The following WDR17 variants were observed in gnomAD, a reference collection of about 807,000 sequenced individuals.
WDR17 encodes the protein WD repeat-containing protein 17.
In WDR17, 143 loss-of-function variants were observed where a neutral mutation model predicts 161.7. The ratio of observed to expected loss-of-function variants is 0.88; its 90% CI spans 0.77 to 1.02. The LOEUF (loss-of-function observed/expected upper bound fraction) is 1.02, where lower values mean the gene tolerates loss of function less well. Among genes scored for constraint, WDR17 ranks in the 50% least tolerant of loss-of-function variants. The pLI is 0.00. For missense variants in WDR17, 1,469 were observed against 1,520.9 expected (o/e 0.97, Z 0.57); for synonymous variants, 517 against 515.6 (o/e 1.00, Z -0.04).
rs954633750 is a variant in WDR17, at chr4:176,149,409, A to G, written c.1898-398A>G. 2.0e-5 allele frequency among the ~76,000 whole-genome samples: 3 copies of G among 152,012 alleles called. No individual in the cohort carries two copies. In the South Asian group the frequency reaches 6.2e-4, roughly 31 times the overall value. ...CTTAGCCTTCCAAGTAGCTGGGACTACAATCACATGCCACCACACCCAGCT... is the reference window on the plus strand; with the variant it reads ...CTTAGCCTTCCAAGTAGCTGGGACTGCAATCACATGCCACCACACCCAGCT... On this transcript the variant is annotated intron_variant, in intron 13 of 28. Coordinates refer to ENST00000508596, the MANE Select transcript of WDR17 (RefSeq NM_181265.4).
At chr4:176,099,853 T>G in intron 1 of WDR17, among the ~76,000 whole-genome samples, 1 of 152,128 alleles carries the variant, frequency 6.6e-6, no homozygotes. Context: ...TGTGACTCTC[T>G]GTGCATGGCT....
chr4:176,174,261 G>C (rs761220585), intron 25 of WDR17, among the ~76,000 whole-genome samples: 1 of 152,022 alleles, frequency 6.6e-6, no homozygotes, highest in Non-Finnish European at 1.5e-5. Flanking sequence ...GAATGCAGAA[G>C]ACGTTCTTTA....
At chr4:176,148,057 C>A in intron 12 of WDR17, 76 bp from the exon 13 acceptor site, 3 of 1,230,108 alleles carry the variant, frequency 2.4e-6, no homozygotes, top group South Asian at 1.6e-5. Context: ...AATTATTATA[C>A]TCTATTAAGA....
chr4:176,172,294 C>G, intron 23 of WDR17, 81 bp from the exon 24 acceptor site: 2 of 1,290,106 alleles, frequency 1.6e-6, no homozygotes, highest in Non-Finnish European at 1.1e-6. Flanking sequence ...ACTAGGAAAG[C>G]TGAAAGTATT....
chr4:176,109,174 CAG>C (rs983925344), intron 1 of WDR17, among the ~76,000 whole-genome samples: 8 of 152,008 alleles, frequency 5.3e-5, no homozygotes, highest in Admixed American at 4.6e-4. Context: ...TTTGGTTAAA[CAG>C]AAATCAAAAG....
chr4:176,120,162 C>G (rs1741317127), intron 4 of WDR17, 65 bp downstream of exon 4: 1 of 1,296,628 alleles, frequency 7.7e-7, no homozygotes, highest in East Asian at 2.6e-5. Context: ...TTTGTACTTG[C>G]TTGGTCTTTC....
At chr4:176,105,770 T>A (rs1379682709) in intron 1 of WDR17, among the ~76,000 whole-genome samples, 1 of 151,930 alleles carries the variant, frequency 6.6e-6, no homozygotes, top group East Asian at 1.9e-4. Flanking sequence ...ATTTATAGGA[T>A]CTCAAATTAG....
intron 10 of WDR17, among the ~76,000 whole-genome samples, chr4:176,141,492 C>A (rs1745248057): frequency 6.6e-6 from 1 of 152,156 alleles, no homozygotes; most frequent in Non-Finnish European, 1.5e-5. Flanking sequence ...TGCAGTGGTG[C>A]AATCCCAGCT....
intron 7 of WDR17, among the ~76,000 whole-genome samples, chr4:176,133,583 A>C (rs1743908155): frequency 6.6e-6 from 1 of 151,422 alleles, no homozygotes; most frequent in African/African-American, 2.4e-5. Flanking sequence ...TCACTTTAAA[A>C]TGTCTGCCAG....
Position 176,177,102 on chromosome 4 carries a change from A to G in WDR17, c.3494A>G (p.Glu1165Gly). Reference sequence around the variant, plus strand: ...GAGGTGTCAGTACCTTTAAAAATTGAATATCTTTCTGAGGAATTGGATGCA... The same window carrying G: ...GAGGTGTCAGTACCTTTAAAAATTGGATATCTTTCTGAGGAATTGGATGCA... ...RREVSVPLKI[E>G]YLSEELDAWR... is the part of the protein sequence containing the mutation. Residue 1165 changes from glutamate (E) to glycine (G), a missense_variant, in exon 27 of 29, where the codon GAA becomes GGA. Coordinates refer to ENST00000508596, the MANE Select transcript of WDR17 (RefSeq NM_181265.4). The G allele has an allele frequency of 6.2e-7, 1 of 1,613,906 alleles. No homozygotes were observed. The highest frequency in any genetic ancestry group is 8.5e-7 in the Non-Finnish European group (1 of 1,179,892).
At chr4:176,100,008 A>C (rs983404637) in intron 1 of WDR17, among the ~76,000 whole-genome samples, 1 of 152,176 alleles carries the variant, frequency 6.6e-6, no homozygotes, top group Non-Finnish European at 1.5e-5. Context: ...AGTTGATTCT[A>C]TAGCTTTGCT....
intron 2 of WDR17, among the ~76,000 whole-genome samples, chr4:176,115,501 G>T: frequency 1.3e-5 from 2 of 151,854 alleles, no homozygotes; most frequent in Middle Eastern, 3.4e-3. Flanking sequence ...TATAGCTATG[G>T]AAAATATAAT....
intron 1 of WDR17, among the ~76,000 whole-genome samples, chr4:176,089,223 T>C (rs1002915629): frequency 1.3e-5 from 2 of 152,078 alleles, no homozygotes; most frequent in African/African-American, 2.4e-5. Flanking sequence ...AAAATAAACG[T>C]ACTCCCTCAG....
chr4:176,119,593 TA>T (rs1363935184), intron 3 of WDR17, among the ~76,000 whole-genome samples: 2 of 152,046 alleles, frequency 1.3e-5, no homozygotes, highest in Non-Finnish European at 2.9e-5. Context: ...TCTACTAAAA[TA>T]AAAAAGTCTA....
intron 1 of WDR17, among the ~76,000 whole-genome samples, chr4:176,083,461 A>G (rs1056858281): frequency 6.6e-6 from 1 of 152,106 alleles, no homozygotes; most frequent in Non-Finnish European, 1.5e-5. Context: ...TTCATGGAAT[A>G]CAGTATTATT....
intron 16 of WDR17, among the ~76,000 whole-genome samples, chr4:176,151,029 A>C (rs1296482622): frequency 6.6e-6 from 1 of 152,000 alleles, no homozygotes; most frequent in Non-Finnish European, 1.5e-5. Flanking sequence ...TAACAACAAA[A>C]CCCATTCTGG....
At chr4:176,070,071 A>T (rs1300001436) in intron 1 of WDR17, among the ~76,000 whole-genome samples, 1 of 152,186 alleles carries the variant, frequency 6.6e-6, no homozygotes, top group Admixed American at 6.5e-5. Flanking sequence ...TGAGGACACT[A>T]AACACATAAA....
intron 3 of WDR17, among the ~76,000 whole-genome samples, chr4:176,118,213 G>C (rs1346673959): frequency 6.6e-6 from 1 of 152,132 alleles, no homozygotes; most frequent in Non-Finnish European, 1.5e-5. Context: ...TTGTACATAA[G>C]TCACTATAAA....
rs1735504789 is a variant in WDR17 at position 176,087,011 on chromosome 4, A to C, written c.-7+20932A>C. On this transcript the variant is annotated intron_variant, in intron 1 of 28. Transcript: ENST00000508596. The stretch of plus-strand genomic sequence containing the variant: ...TTTAATACTAATACTAACTCCATTT[A>C]TCCTGCTGTCTTTTGTGTTACTGTT... Among the ~76,000 whole-genome samples, 2 of 151,936 alleles carry C rather than the reference A, an allele frequency of 1.3e-5. 1 individual carries two copies. Among genetic ancestry groups the C allele is most frequent in the South Asian group, 4.1e-4 (2 of 4,830 alleles).
Sources: allele counts gnomAD v4.1 joint callset (sites outside exome capture counted in the v4.1 genomes callset), GRCh38; gene constraint gnomAD v4.1.1; transcripts MANE v1.5; gene names NCBI Gene and HGNC (gene_info 2026-07-23, HGNC 2026-07-21).